Variants in AGXT2 observed in about 807,000 individuals in gnomAD.
AGXT2 encodes alanine--glyoxylate aminotransferase 2.
AGXT2 carries 61 observed loss-of-function variants against 62.5 expected under a neutral mutation model. The ratio of observed to expected loss-of-function variants is 0.98; its 90% CI spans 0.79 to 1.21. AGXT2 has a LOEUF of 1.21. Ranked by LOEUF, AGXT2 falls within the 50% of genes most tolerant of loss-of-function variation. The probability of loss-of-function intolerance (pLI) is 0.00; values close to 1 mark genes in which losing one functional copy is unlikely to be tolerated. For synonymous variants in AGXT2, 243 were observed against 218.7 expected, an observed-to-expected ratio of 1.11 and a Z score of -0.98; for missense variants, 666 against 641.5, an observed-to-expected ratio of 1.04 and a Z score of -0.41.
chr5:35,009,566 C>A (rs1393240829), intron 12 of AGXT2, among the ~76,000 whole-genome samples: 1 of 152,090 alleles, frequency 6.6e-6, no homozygotes, highest in African/African-American at 2.4e-5. Flanking sequence ...ACTGCACTCC[C>A]AGCCTGGGTG....
intron 10 of AGXT2, among the ~76,000 whole-genome samples, chr5:35,013,648 G>T: frequency 6.6e-6 from 1 of 152,132 alleles, no homozygotes; most frequent in Non-Finnish European, 1.5e-5. Context: ...TGGGCGTGGT[G>T]GTGCGCACCT....
At chr5:35,002,912 G>A (rs1432965851) in intron 13 of AGXT2, among the ~76,000 whole-genome samples, 4 of 152,248 alleles carry the variant, frequency 2.6e-5, no homozygotes, top group Non-Finnish European at 4.4e-5. Context: ...CACTGAAGTT[G>A]TGAGAGGCAG....
intron 3 of AGXT2, among the ~76,000 whole-genome samples, chr5:35,038,990 C>T (rs773631126): frequency 1.3e-5 from 2 of 152,152 alleles, no homozygotes; most frequent in Non-Finnish European, 2.9e-5. Flanking sequence ...ATGTGTTTCT[C>T]TGAGAGCCGC....
At chr5:35,032,472 A>G (rs2112263287) in intron 7 of AGXT2, among the ~76,000 whole-genome samples, 1 of 152,298 alleles carries the variant, frequency 6.6e-6, no homozygotes, top group African/African-American at 2.4e-5. Context: ...ACCAGCTGAT[A>G]GTCGTTTTTT....
chr5:35,014,104 C>T lies in AGXT2; in HGVS notation c.979G>A (p.Gly327Arg), dbSNP rs745553045. 6.2e-6 allele frequency: 10 copies of T among 1,613,964 alleles called. No homozygotes were observed. In the South Asian group the frequency reaches 7.7e-5, roughly 12 times the overall value. The change falls in exon 10 of 14, where the codon GGA becomes AGA. Residue 327 changes from glycine (G) to arginine (R), a missense_variant. Physicochemically the swap from Gly to Arg is moderately radical, Grantham distance 125. Coordinates refer to ENST00000231420, the MANE Select transcript of AGXT2 (RefSeq NM_031900.4). ...CCCCAGAAGTGAGAGCCCAACCTTC[C>T]AAATCCTGTCTGCACCTGGGAAAAC... ...CIADEVQTGFGRLGSHFWGFQ... is the reference protein window; with the variant it reads ...CIADEVQTGFRRLGSHFWGFQ...
chr5:35,034,776 TG>T (rs1767702445), intron 5 of AGXT2, among the ~76,000 whole-genome samples: 2 of 152,130 alleles, frequency 1.3e-5, no homozygotes, highest in African/African-American at 4.8e-5. Flanking sequence ...AGGTAAAAAA[TG>T]GGTGCAGCTG....
Position 34,999,773 on chromosome 5 carries a change from T to G in AGXT2, c.1438-947A>C, listed in dbSNP as rs1175589702. 2.0e-5 allele frequency among the ~76,000 whole-genome samples: 3 copies of G among 152,182 alleles called. No individual in the cohort carries two copies. The East Asian group carries it at 5.8e-4, about 29-fold the overall frequency. ...GAAGCTGCCACGCAAGACAAACTTG[T>G]TTGCTCTCACATCCATTTTTATAAA... On this transcript the variant is annotated intron_variant, in intron 13 of 13. Transcript: ENST00000231420.
chr5:35,041,394 T>A (rs1767986754), intron 1 of AGXT2, among the ~76,000 whole-genome samples: 1 of 151,972 alleles, frequency 6.6e-6, no homozygotes, highest in African/African-American at 2.4e-5. Flanking sequence ...GGTAAATTAA[T>A]CTGTTTAAGG....
At chr5:35,036,298 T>C (rs1767768210) in intron 4 of AGXT2, among the ~76,000 whole-genome samples, 2 of 152,168 alleles carry the variant, frequency 1.3e-5, no homozygotes, top group Non-Finnish European at 2.9e-5. Flanking sequence ...GTAGAGAACA[T>C]GGTAAAATAA....
In AGXT2 at chr5:35,042,736, C is replaced by CTGTGTG. The variant is rs66463119; in HGVS notation, c.89-2079_89-2074dup. The stretch of plus-strand genomic sequence containing the variant: ...TATGTGTATATATGCATATGCATAC[C>CTGTGTG]TGTGTGTGTGTGTGTGTGTGTGTGT... On this transcript the variant is annotated intron_variant, in intron 1 of 13. Transcript: ENST00000231420. 1.8e-3 allele frequency among the ~76,000 whole-genome samples: 260 copies of CTGTGTG among 142,480 alleles called. 1 individual carries two copies. Among genetic ancestry groups the CTGTGTG allele is most frequent in the Middle Eastern group, 7.1e-3 (2 of 282 alleles). The allele number at this position is 142,480 out of a possible 152,430, so 93.5% of individuals were successfully genotyped here.
In AGXT2 at chr5:35,040,561, G is replaced by T; in HGVS notation, c.177+14C>A. On this transcript the variant is annotated intron_variant, in intron 2 of 13. Transcript: ENST00000231420. ...AACTACCTCTTTGAGTTTTCTTAAA[G>T]CCCTGAATCTCACCTGGTATCTTTC... is the stretch of plus-strand genomic sequence containing the variant. 1 of 1,609,532 alleles carries T rather than the reference G, an allele frequency of 6.2e-7. No homozygotes were observed. Among genetic ancestry groups the T allele is most frequent in the Admixed American group, 1.7e-5 (1 of 60,002 alleles).
rs1050112449 is a variant in AGXT2 at position 35,036,998 on chromosome 5, G to A, written c.430C>T (p.Pro144Ser). The part of the protein sequence containing the change: ...LWHTSTVFFH[P>S]PMHEYAEKLA... ...TTCTCTGCATATTCATGCATTGGAGGGTGGAAGAAGACGGTGCTTGTATGC... is the reference window on the plus strand; with the variant it reads ...TTCTCTGCATATTCATGCATTGGAGAGTGGAAGAAGACGGTGCTTGTATGC... The change falls in exon 4 of 14, where the codon CCT becomes TCT. Residue 144 changes from proline (P) to serine (S), a missense_variant. Coordinates refer to ENST00000231420, the MANE Select transcript of AGXT2 (RefSeq NM_031900.4). 2.5e-6 allele frequency: 4 copies of A among 1,614,058 alleles called. No individual in the cohort carries two copies. The African/African-American group carries it at 5.3e-5, about 22-fold the overall frequency.
At chr5:35,013,816 C>T (rs1159280577) in intron 10 of AGXT2, among the ~76,000 whole-genome samples, 171 bp downstream of exon 10, 1 of 150,702 alleles carries the variant, frequency 6.6e-6, no homozygotes, top group Non-Finnish European at 1.5e-5. Flanking sequence ...GGCTTTCTTC[C>T]AACTGTTTCA....
At chr5:34,999,012 C>A (rs551688571) in intron 13 of AGXT2, among the ~76,000 whole-genome samples, 186 bp from the exon 14 acceptor site, 2 of 152,308 alleles carry the variant, frequency 1.3e-5, no homozygotes, top group South Asian at 4.2e-4. Context: ...CCATACAAAC[C>A]CTTGTACAAT....
At chr5:35,013,481 G>T (rs1180384603) in intron 10 of AGXT2, among the ~76,000 whole-genome samples, 1 of 152,160 alleles carries the variant, frequency 6.6e-6, no homozygotes, top group East Asian at 1.9e-4. Flanking sequence ...CCTACAGGTA[G>T]ATCAGAATGG....
chr5:35,004,011 G>A lies in AGXT2; in HGVS notation c.1339-150C>T, dbSNP rs1580567844. The A allele has an allele frequency of 1.3e-5, 9 of 674,290 alleles. No individual in the cohort carries two copies. In the East Asian group the frequency reaches 2.5e-4, roughly 19 times the overall value. The allele number at this position is 674,290 out of a possible 1,614,324, so 41.8% of individuals were successfully genotyped here. On this transcript the variant is annotated intron_variant, in intron 12 of 13. Coordinates refer to ENST00000231420, the MANE Select transcript of AGXT2 (RefSeq NM_031900.4). Reference sequence around the variant, plus strand: ...TTTCTCTCTGTCCTCTCCTTCCCCTGTAATTAAATGAAGCTGCTAATTGCT... The same window carrying A: ...TTTCTCTCTGTCCTCTCCTTCCCCTATAATTAAATGAAGCTGCTAATTGCT...
chr5:35,029,183 CAAAT>C (rs771873678), intron 7 of AGXT2, among the ~76,000 whole-genome samples: 2 of 152,106 alleles, frequency 1.3e-5, no homozygotes, highest in East Asian at 3.8e-4. Context: ...ATATAGTAGA[CAAAT>C]AAATCTATGC....
intron 9 of AGXT2, among the ~76,000 whole-genome samples, chr5:35,018,692 CATA>C (rs1165977029): frequency 1.3e-5 from 2 of 149,422 alleles, no homozygotes. Context: ...CAGCTAACAT[CATA>C]ATGACAGGAT....
chr5:35,033,083 C>A, intron 6 of AGXT2: 1 of 510,026 alleles, frequency 2.0e-6, no homozygotes, highest in East Asian at 3.8e-5. Flanking sequence ...TGGGTAAGGG[C>A]ATCTGAAAGA....
Sources: gnomAD v4.1 joint callset for allele counts (sites outside exome capture counted in the v4.1 genomes callset) on GRCh38, gnomAD v4.1.1 for gene constraint, MANE v1.5 for transcripts, NCBI Gene and HGNC (gene_info 2026-07-23, HGNC 2026-07-21) for gene names.